Variants in TRPC4 observed in about 807,000 individuals in gnomAD.
TRPC4 encodes transient receptor potential cation channel subfamily C member 4.
Under a neutral mutation model 99.4 loss-of-function variants are expected in TRPC4, and 49 were observed. The ratio of observed to expected loss-of-function variants is 0.49; its 90% CI spans 0.39 to 0.63. The LOEUF is 0.63. Among genes scored for constraint, TRPC4 ranks in the 20% least tolerant of loss-of-function variants. The pLI is 0.00. For missense variants in TRPC4, 898 were observed against 1,152.9 expected (o/e 0.78, Z 3.20); for synonymous variants, 454 against 425.9 (o/e 1.07, Z -0.81).
At chr13:37,807,195 TTATGA>T (rs1290979462) in intron 1 of TRPC4, among the ~76,000 whole-genome samples, 2 of 151,992 alleles carry the variant, frequency 1.3e-5, no homozygotes, top group Non-Finnish European at 2.9e-5. Flanking sequence ...TCATATATGT[TTATGA>T]TATGATATAA....
chr13:37,796,327 T>C (rs1957243442), intron 1 of TRPC4, among the ~76,000 whole-genome samples: 1 of 152,148 alleles, frequency 6.6e-6, no homozygotes, highest in Admixed American at 6.6e-5. Context: ...TAAGTACTAT[T>C]ATTAGTGTCC....
intron 1 of TRPC4, among the ~76,000 whole-genome samples, chr13:37,808,286 G>A (rs1957583553): frequency 6.6e-6 from 1 of 152,056 alleles, no homozygotes; most frequent in African/African-American, 2.4e-5. Flanking sequence ...TGGCAGGTCT[G>A]TTTCAGAAAA....
chr13:37,832,040 G>T (rs920870920), intron 1 of TRPC4, among the ~76,000 whole-genome samples: 17 of 152,036 alleles, frequency 1.1e-4, no homozygotes, highest in African/African-American at 4.1e-4. Context: ...TATTTTAAAT[G>T]GTCTTACCAA....
At chr13:37,645,171 T>C (rs1471043886) in intron 8 of TRPC4, among the ~76,000 whole-genome samples, 1 of 152,064 alleles carries the variant, frequency 6.6e-6, no homozygotes, top group Non-Finnish European at 1.5e-5. Flanking sequence ...CACATTAGCA[T>C]AATTCACAGT....
chr13:37,711,093 G>A (rs1954469369), intron 3 of TRPC4, among the ~76,000 whole-genome samples: 1 of 151,916 alleles, frequency 6.6e-6, no homozygotes, highest in East Asian at 1.9e-4. Context: ...CACGCAGAAT[G>A]TGTTTAGATA....
Position 37,692,173 on chromosome 13 carries a change from G to A in TRPC4, c.1060C>T (p.Pro354Ser), listed in dbSNP as rs1415654825. The change falls in exon 4 of 11, where the codon CCA becomes TCA. Residue 354 changes from proline (P) to serine (S), a missense_variant. Pro to Ser is a moderately conservative substitution (Grantham distance 74). Coordinates refer to ENST00000379705, the MANE Select transcript of TRPC4 (RefSeq NM_016179.4). ...SVCYLIAPKS[P>S]LGLFIRKPFI... ...GGCTTCCTGATGAACAGTCCAAGTG[G>A]GCTTTTGGGAGCTATCAGGTAGCAC... The A allele has an allele frequency of 6.2e-7, 1 of 1,614,052 alleles. No homozygotes were observed. Among genetic ancestry groups the A allele is most frequent in the East Asian group, 2.2e-5 (1 of 44,842 alleles).
chr13:37,841,549 C>T (rs1958730083), intron 1 of TRPC4, among the ~76,000 whole-genome samples: 1 of 150,488 alleles, frequency 6.6e-6, no homozygotes, highest in African/African-American at 2.4e-5. Context: ...AAAACTTTAA[C>T]ACTAAATAAA....
chr13:37,826,435 C>G (rs1233888160), intron 1 of TRPC4, among the ~76,000 whole-genome samples: 1 of 137,322 alleles, frequency 7.3e-6, no homozygotes, highest in African/African-American at 2.8e-5. Context: ...CCATGTTTAG[C>G]GCTTCCTTCA....
At chr13:37,680,570 AG>A (rs1327830011) in intron 4 of TRPC4, among the ~76,000 whole-genome samples, 1 of 152,204 alleles carries the variant, frequency 6.6e-6, no homozygotes, top group African/African-American at 2.4e-5. Context: ...CTGCCATGAG[AG>A]ATGAAAAACT....
chr13:37,741,892 C>A (rs925716321), intron 3 of TRPC4, among the ~76,000 whole-genome samples: 5 of 149,242 alleles, frequency 3.4e-5, no homozygotes, highest in Non-Finnish European at 5.9e-5. Flanking sequence ...AACAGAGTAA[C>A]ACTGCACATT....
At chr13:37,653,654 T>G (rs1952122384) in intron 7 of TRPC4, among the ~76,000 whole-genome samples, 1 of 152,084 alleles carries the variant, frequency 6.6e-6, no homozygotes, top group Non-Finnish European at 1.5e-5. Flanking sequence ...TTGAAGATGA[T>G]TCTTATCTCT....
intron 5 of TRPC4, among the ~76,000 whole-genome samples, chr13:37,664,604 T>C (rs76347345): frequency 5.1e-4 from 78 of 152,174 alleles, no homozygotes; most frequent in Middle Eastern, 3.4e-3. Flanking sequence ...AAATATGCTC[T>C]TTTAGATATT....
chr13:37,794,297 A>T (rs991703536), intron 1 of TRPC4, among the ~76,000 whole-genome samples: 11 of 152,150 alleles, frequency 7.2e-5, no homozygotes, highest in Non-Finnish European at 1.3e-4. Context: ...GTTAAAAGGA[A>T]CAATCATCTG....
chr13:37,837,890 G>A (rs1222169957), intron 1 of TRPC4, among the ~76,000 whole-genome samples: 5 of 152,150 alleles, frequency 3.3e-5, no homozygotes, highest in Admixed American at 6.5e-5. Context: ...GACCCAGTGG[G>A]AGATAATTGA....
intron 2 of TRPC4, among the ~76,000 whole-genome samples, chr13:37,780,787 G>A (rs563785631): frequency 2.0e-4 from 30 of 151,730 alleles, no homozygotes; most frequent in African/African-American, 6.5e-4. Context: ...GAATTCTGAG[G>A]GAGATTGAAA....
chr13:37,647,940 T>C (rs923381720), intron 8 of TRPC4, among the ~76,000 whole-genome samples: 2 of 152,036 alleles, frequency 1.3e-5, no homozygotes, highest in Admixed American at 6.6e-5. Context: ...ATCTTATACA[T>C]TTATTTATTT....
At chr13:37,639,205 G>C in intron 9 of TRPC4, 53 bp downstream of exon 9, 1 of 1,611,854 alleles carries the variant, frequency 6.2e-7, no homozygotes, top group Non-Finnish European at 8.5e-7. Context: ...CTGAAGGGGG[G>C]ACTGCATTTT....
At position 37,633,783 on chromosome 13, in the gene TRPC4, A is replaced by T. The variant is rs1378882326; in HGVS notation, c.*3120T>A. ...AATATTCAATTCATGAAACAGATAC[A>T]TTTTGAGGATGTTTAGCACTTTGAA... is the stretch of plus-strand genomic sequence containing the variant. On this transcript the variant is annotated 3_prime_UTR_variant, in exon 11 of 11. Transcript: ENST00000379705. Among the ~76,000 whole-genome samples the T allele has an allele frequency of 6.6e-6, 1 of 152,116 alleles. No individual in the cohort carries two copies. The highest frequency in any genetic ancestry group is 2.4e-5 in the African/African-American group (1 of 41,448).
chr13:37,834,039 C>A (rs1366579036), intron 1 of TRPC4, among the ~76,000 whole-genome samples: 1 of 152,114 alleles, frequency 6.6e-6, no homozygotes, highest in Non-Finnish European at 1.5e-5. Context: ...TATCTTCATG[C>A]TATATTTGCA....
Sources: gnomAD v4.1 joint callset for allele counts (sites outside exome capture counted in the v4.1 genomes callset) on GRCh38, gnomAD v4.1.1 for gene constraint, MANE v1.5 for transcripts, NCBI Gene and HGNC (gene_info 2026-07-23, HGNC 2026-07-21) for gene names.